SPARCL1: variants seen among roughly 807,000 people sequenced by gnomAD.
SPARCL1 encodes the protein SPARC-like protein 1.
Under a neutral mutation model 67.1 loss-of-function variants are expected in SPARCL1, and 52 were observed. The ratio of observed to expected loss-of-function variants is 0.78; its 90% CI spans 0.62 to 0.98. The LOEUF (loss-of-function observed/expected upper bound fraction) is 0.98. Among genes scored for constraint, SPARCL1 ranks in the 50% least tolerant of loss-of-function variants. The pLI, the probability that SPARCL1 is intolerant of heterozygous loss-of-function variation, is 0.00. For missense variants in SPARCL1, 717 were observed against 782.4 expected (o/e 0.92, Z 1.00); for synonymous variants, 226 against 267.8 (o/e 0.84, Z 1.52).
chr4:87,497,659 T>A (rs564837002), intron 2 of SPARCL1, among the ~76,000 whole-genome samples: 1 of 152,384 alleles, frequency 6.6e-6, no homozygotes, highest in East Asian at 1.9e-4. Context: ...CTTAGCTTTC[T>A]AGCAGTTTGG....
intron 7 of SPARCL1, among the ~76,000 whole-genome samples, chr4:87,489,881 A>C (rs1050682389): frequency 1.3e-5 from 2 of 152,158 alleles, no homozygotes; most frequent in African/African-American, 4.8e-5. Context: ...ACACTTCTGG[A>C]AAAATGTGTT....
In SPARCL1 at chr4:87,503,147, T is replaced by C. The variant is rs143450785; in HGVS notation, c.-11-3562A>G. Among the ~76,000 whole-genome samples, 397 of 152,314 alleles carry C rather than the reference T, an allele frequency of 2.6e-3. 2 individuals carry two copies. Among genetic ancestry groups the C allele is most frequent in the African/African-American group, 9.1e-3 (377 of 41,578 alleles). ...GCTTTTTCCTGTTTGTGTTGAAACA[T>C]GGAAGTCCCCTGGCTGTGCAGGCAG... On this transcript the variant is annotated intron_variant, in intron 1 of 10. Coordinates refer to ENST00000282470, the MANE Select transcript of SPARCL1 (RefSeq NM_004684.6).
At chr4:87,513,111 C>G (rs537664081) in intron 1 of SPARCL1, among the ~76,000 whole-genome samples, 1 of 152,126 alleles carries the variant, frequency 6.6e-6, no homozygotes, top group African/African-American at 2.4e-5. Context: ...GTAAGGATGT[C>G]TTGAGGCAGG....
intron 1 of SPARCL1, among the ~76,000 whole-genome samples, chr4:87,512,973 C>A (rs1578113751): frequency 6.6e-6 from 1 of 152,108 alleles, no homozygotes; most frequent in South Asian, 2.1e-4. Context: ...TTAAGTGAGA[C>A]AATACCATCT....
At chr4:87,479,628 G>T in intron 9 of SPARCL1, 50 bp from the exon 10 acceptor site, 1 of 1,580,540 alleles carries the variant, frequency 6.3e-7, no homozygotes, top group Non-Finnish European at 8.7e-7. Context: ...TGTGCATGAA[G>T]ATTTAACTCT....
At chr4:87,502,116 TA>T (rs962725349) in intron 1 of SPARCL1, among the ~76,000 whole-genome samples, 6 of 151,956 alleles carry the variant, frequency 3.9e-5, no homozygotes, top group East Asian at 1.9e-4. Context: ...TTTTATTGAT[TA>T]AAAAAAATTA....
At chr4:87,485,229 A>T (rs1179651127) in intron 7 of SPARCL1, among the ~76,000 whole-genome samples, 1 of 152,122 alleles carries the variant, frequency 6.6e-6, no homozygotes, top group Non-Finnish European at 1.5e-5. Flanking sequence ...TATTATTTTG[A>T]GATATGTTCC....
chr4:87,502,889 C>G (rs940011571), intron 1 of SPARCL1, among the ~76,000 whole-genome samples: 1 of 152,192 alleles, frequency 6.6e-6, no homozygotes, highest in Non-Finnish European at 1.5e-5. Context: ...TGGGGCACCC[C>G]AAATGTCATT....
rs367644922 is a variant in SPARCL1, at chr4:87,473,785, A to G, written c.1985T>C (p.Leu662Pro). 1 of 1,609,802 alleles carries G rather than the reference A, an allele frequency of 6.2e-7. No homozygotes were observed. The highest frequency in any genetic ancestry group is 8.5e-7 in the Non-Finnish European group (1 of 1,176,974). Residue 662 changes from leucine to proline, a missense_variant, in exon 11 of 11, where the codon CTC becomes CCC. By Grantham distance (98) the Leu-to-Pro change is moderately conservative (BLOSUM62 -3). Coordinates refer to ENST00000282470, the MANE Select transcript of SPARCL1 (RefSeq NM_004684.6). The part of the protein sequence containing the change: ...GIKEEDIDEN[L>P]LF Reference sequence around the variant, plus strand: ...CTTTAAAATCTTCGTTCAAAACAAGAGATTTTCATCTATGTCCTCTATAAA... The same window carrying G: ...CTTTAAAATCTTCGTTCAAAACAAGGGATTTTCATCTATGTCCTCTATAAA...
At chr4:87,497,797 C>T (rs1342421558) in intron 2 of SPARCL1, among the ~76,000 whole-genome samples, 1 of 152,152 alleles carries the variant, frequency 6.6e-6, no homozygotes, top group African/African-American at 2.4e-5. Context: ...GCTCTGTCAC[C>T]CAGGCTGGAG....
At chr4:87,475,070 G>A (rs1288812064) in intron 10 of SPARCL1, among the ~76,000 whole-genome samples, 3 of 152,156 alleles carry the variant, frequency 2.0e-5, no homozygotes, top group African/African-American at 7.2e-5. Context: ...AAATGAATGA[G>A]TAAATGAAAG....
At chr4:87,505,148 A>G (rs571511740) in intron 1 of SPARCL1, among the ~76,000 whole-genome samples, 1 of 152,294 alleles carries the variant, frequency 6.6e-6, no homozygotes, top group Admixed American at 6.5e-5. Flanking sequence ...TCTTAGATAC[A>G]GTTTTCTCAA....
At chr4:87,491,765 A>G (rs747624719) in intron 4 of SPARCL1, 75 bp from the exon 5 acceptor site, 3 of 1,029,130 alleles carry the variant, frequency 2.9e-6, no homozygotes, top group Non-Finnish European at 4.6e-6. Flanking sequence ...TCCACTGTGC[A>G]TACTTTCACG....
intron 7 of SPARCL1, among the ~76,000 whole-genome samples, chr4:87,484,175 G>A (rs1414818432): frequency 1.3e-5 from 2 of 152,222 alleles, no homozygotes; most frequent in Middle Eastern, 6.8e-3. Flanking sequence ...TGTCCTGAAT[G>A]GTATTGCCTA....
In SPARCL1 at chr4:87,477,004, T is replaced by C. The variant is rs1034404961; in HGVS notation, c.1966+2426A>G. On this transcript the variant is annotated intron_variant, in intron 10 of 10. Coordinates refer to ENST00000282470, the MANE Select transcript of SPARCL1 (RefSeq NM_004684.6). ...TAATATCTGCTTTATTGGTTTATTA[T>C]GTGATAATTTTTTCCTTTCTTCAAA... is the stretch of plus-strand genomic sequence containing the variant. Among the ~76,000 whole-genome samples the C allele has an allele frequency of 3.3e-5, 5 of 152,248 alleles. No homozygotes were observed. In the East Asian group the frequency reaches 7.7e-4, roughly 23 times the overall value.
intron 1 of SPARCL1, among the ~76,000 whole-genome samples, chr4:87,524,089 A>G (rs1725935630): frequency 6.6e-6 from 1 of 152,256 alleles, no homozygotes; most frequent in Admixed American, 6.5e-5. Flanking sequence ...ACTTATTTTC[A>G]TAATTGCATG....
Position 87,473,609 on chromosome 4 carries a change from T to G in SPARCL1, c.*166A>C, listed in dbSNP as rs201276647. The G allele has an allele frequency of 2.6e-6, 1 of 378,560 alleles. No individual in the cohort carries two copies. Among genetic ancestry groups the G allele is most frequent in the Non-Finnish European group, 4.8e-6 (1 of 206,798 alleles). The allele number at this position is 378,560 out of a possible 1,614,324, so 23.5% of individuals were successfully genotyped here. A position where few individuals can be genotyped will look rare whatever the true frequency, so the allele number is the denominator to read the frequency against. On this transcript the variant is annotated 3_prime_UTR_variant, in exon 11 of 11. Transcript: ENST00000282470. The stretch of plus-strand genomic sequence containing the variant: ...ACATTTTTGTTTCCAAAGTTAATGT[T>G]AAATACCTGGTGCATAGGTTGTTGT...
chr4:87,493,954 C>A lies in SPARCL1; in HGVS notation c.846G>T (p.Ser282=), dbSNP rs746246120. The A allele has an allele frequency of 6.2e-7, 1 of 1,614,074 alleles. No homozygotes were observed. Among genetic ancestry groups the A allele is most frequent in the Non-Finnish European group, 8.5e-7 (1 of 1,180,022 alleles). Residue 282 remains serine, a synonymous_variant, in exon 4 of 11, where the codon TCG becomes TCT. Transcript: ENST00000282470. ...SNAEMEEENA[S]NVNKHIQETE... is the part of the protein sequence containing the mutation. Reference sequence around the variant, plus strand: ...TTTCTTGAATGTGCTTATTGACGTTCGATGCATTTTCCTCTTCCATTTCTG... The same window carrying A: ...TTTCTTGAATGTGCTTATTGACGTTAGATGCATTTTCCTCTTCCATTTCTG...
Position 87,493,796 on chromosome 4 carries a change from T to C in SPARCL1, c.1004A>G (p.His335Arg). 6.2e-7 allele frequency: 1 copy of C among 1,614,102 alleles called. No homozygotes were observed. ...TDDGNTTPRN[H>R]GVDDDGDDDG... ...ATCATCGCCATCATCATCAACTCCA[T>C]GATTTCTGGGCGTGGTATTACCATC... The change falls in exon 4 of 11, where the codon CAT becomes CGT. Residue 335 changes from histidine (H) to arginine (R), a missense_variant. By Grantham distance (29) the His-to-Arg change is conservative (BLOSUM62 0). Coordinates refer to ENST00000282470, the MANE Select transcript of SPARCL1 (RefSeq NM_004684.6).
Sources: allele counts gnomAD v4.1 joint callset (sites outside exome capture counted in the v4.1 genomes callset), GRCh38; gene constraint gnomAD v4.1.1; transcripts MANE v1.5; gene names NCBI Gene and HGNC (gene_info 2026-07-23, HGNC 2026-07-21).